RASA3: variants seen among roughly 807,000 people sequenced by gnomAD.
The protein encoded by RASA3 is RAS p21 protein activator 3.
In RASA3, 73 loss-of-function variants were observed where a neutral mutation model predicts 110.0. The ratio of observed to expected loss-of-function variants is 0.66; its 90% CI spans 0.55 to 0.81. RASA3 has a LOEUF of 0.81. Among genes scored for constraint, RASA3 ranks in the 30% least tolerant of loss-of-function variants. RASA3 has a pLI of 0.00. For missense variants in RASA3, 976 were observed against 1,113.2 expected (o/e 0.88, Z 1.75); for synonymous variants, 500 against 451.4 (o/e 1.11, Z -1.37).
intron 23 of RASA3, among the ~76,000 whole-genome samples, chr13:113,980,072 T>TGTGTGTGCACCACCTCCCAC (rs2052880717): frequency 9.6e-6 from 1 of 104,536 alleles, no homozygotes; most frequent in Admixed American, 9.6e-5. Flanking sequence ...CCTCCTCCCA[T>TGTGTGTGCACCACCTCCCAC]GTGTGTGCAC....
chr13:114,101,577 C>A (rs2080060916), intron 1 of RASA3, among the ~76,000 whole-genome samples: 1 of 152,272 alleles, frequency 6.6e-6, no homozygotes, highest in Non-Finnish European at 1.5e-5. Context: ...CGCCGGAGAT[C>A]CGGGCTTTCC....
chr13:114,131,805 C>A (rs1260754890), intron 1 of RASA3, among the ~76,000 whole-genome samples: 3 of 151,672 alleles, frequency 2.0e-5, no homozygotes, highest in African/African-American at 4.8e-5. Flanking sequence ...CAAATACGCA[C>A]CCACACATGC....
In RASA3 at chr13:114,017,495, A is replaced by G; in HGVS notation, c.1092-144T>C. 3 of 694,126 alleles carry G rather than the reference A, an allele frequency of 4.3e-6. No homozygotes were observed. In the South Asian group the frequency reaches 4.9e-5, roughly 11 times the overall value. 43.0% of individuals were successfully genotyped at this position (694,126 alleles called of 1,614,324 possible). ...GGCTTCCTGACATTTTACAAGGAGC[A>G]CAACCAGGCCAGGTGCTTGGAGGCC... On this transcript the variant is annotated intron_variant, in intron 11 of 23. Transcript: ENST00000334062.
intron 3 of RASA3, among the ~76,000 whole-genome samples, chr13:114,043,190 C>G (rs1052954330): frequency 2.6e-5 from 4 of 152,288 alleles, no homozygotes; most frequent in East Asian, 3.9e-4. Flanking sequence ...TATGGGACAG[C>G]GCAAGGTCGG....
At chr13:113,989,220 T>A (rs1403098839) in intron 22 of RASA3, among the ~76,000 whole-genome samples, 1 of 124,520 alleles carries the variant, frequency 8.0e-6, no homozygotes, top group Non-Finnish European at 1.7e-5. Context: ...CATCCACCCA[T>A]CTACCCATCC....
rs1316028159 is a variant in RASA3, at chr13:114,018,232, G to A, written c.963C>T (p.Ala321=). The A allele has an allele frequency of 8.4e-6, 13 of 1,553,442 alleles. No individual in the cohort carries two copies. The South Asian group carries it at 1.5e-4, about 18-fold the overall frequency. Residue 321 remains alanine, a synonymous_variant, in exon 11 of 24, where the codon GCC becomes GCT. Transcript: ENST00000334062. ...ADVEPVSASA[A]HILGEVCREK... is the part of the protein sequence containing the mutation. ...CCCGGCAAACCTCGCCCAGGATGTG[G>A]GCCGCAGACGCTGACACGGGCTGCG...
chr13:114,050,398 C>T (rs2079124697), intron 3 of RASA3, among the ~76,000 whole-genome samples: 1 of 152,258 alleles, frequency 6.6e-6, no homozygotes, highest in Non-Finnish European at 1.5e-5. Flanking sequence ...TGTCAATTAT[C>T]TGAGATCCAT....
At chr13:114,098,279 G>T (rs2079971590) in intron 1 of RASA3, among the ~76,000 whole-genome samples, 1 of 152,170 alleles carries the variant, frequency 6.6e-6, no homozygotes, top group Non-Finnish European at 1.5e-5. Flanking sequence ...CCTCTACCCT[G>T]GGGGCAGAGC....
chr13:114,075,069 C>T (rs1417361543), intron 1 of RASA3, among the ~76,000 whole-genome samples: 1 of 152,214 alleles, frequency 6.6e-6, no homozygotes, highest in Non-Finnish European at 1.5e-5. Flanking sequence ...GTCTCCACGA[C>T]GCAGGATGAG....
intron 2 of RASA3, among the ~76,000 whole-genome samples, chr13:114,059,937 C>T (rs1032874377): frequency 2.6e-5 from 4 of 152,248 alleles, no homozygotes; most frequent in African/African-American, 7.2e-5. Context: ...GAATGTCCAA[C>T]GCGGGCAAGG....
chr13:114,089,104 T>C (rs2139706843), intron 1 of RASA3, among the ~76,000 whole-genome samples: 1 of 152,088 alleles, frequency 6.6e-6, no homozygotes, highest in South Asian at 2.1e-4. Context: ...CAGGGCTCTG[T>C]CCCCTAAGCC....
rs184569069 is a variant in RASA3, at chr13:113,983,979, A to G, written c.2246-2121T>C. On this transcript the variant is annotated intron_variant, in intron 22 of 23. Coordinates refer to ENST00000334062, the MANE Select transcript of RASA3 (RefSeq NM_007368.4). ...TTAAAAAATAAAACTGGCAATAACT[A>G]GAAAAAAAATCGCAATAAGGAATCT... 1.7e-4 allele frequency among the ~76,000 whole-genome samples: 17 copies of G among 101,546 alleles called. 2 individuals carry two copies. Among genetic ancestry groups the G allele is most frequent in the Non-Finnish European group, 3.5e-4 (15 of 43,452 alleles). 66.6% of individuals were successfully genotyped at this position (101,546 alleles called of 152,430 possible).
At chr13:114,002,341 C>T (rs755296267) in intron 18 of RASA3, among the ~76,000 whole-genome samples, 8 of 152,210 alleles carry the variant, frequency 5.3e-5, no homozygotes, top group Non-Finnish European at 1.0e-4. Context: ...AAGGGCGGGG[C>T]GCTGGGAGCC....
In RASA3 at chr13:114,106,093, C is replaced by A. The variant is rs566825744; in HGVS notation, c.55+26342G>T. ...GTGCACATCGCAGAGCGGCACACGG[C>A]AGCCTCCGGATGGGCGCATGGCAGA... On this transcript the variant is annotated intron_variant, in intron 1 of 23. Coordinates refer to ENST00000334062, the MANE Select transcript of RASA3 (RefSeq NM_007368.4). 2.6e-3 allele frequency among the ~76,000 whole-genome samples: 397 copies of A among 152,302 alleles called. 2 individuals are homozygous for A. The highest frequency in any genetic ancestry group is 9.3e-3 in the African/African-American group (385 of 41,566).
At chr13:114,002,913 G>A (rs998065374) in intron 18 of RASA3, among the ~76,000 whole-genome samples, 5 of 152,236 alleles carry the variant, frequency 3.3e-5, no homozygotes, top group Admixed American at 2.0e-4. Context: ...CACACGCTGC[G>A]CTGCAGAGGC....
chr13:113,980,841 A>AG (rs1348311732), intron 23 of RASA3, among the ~76,000 whole-genome samples: 1 of 152,188 alleles, frequency 6.6e-6, no homozygotes, highest in Non-Finnish European at 1.5e-5. Context: ...GGAGGGGTTA[A>AG]GAAGGAAGGA....
intron 1 of RASA3, among the ~76,000 whole-genome samples, chr13:114,082,904 T>C (rs576017326): frequency 6.6e-6 from 1 of 152,322 alleles, no homozygotes; most frequent in Admixed American, 6.5e-5. Flanking sequence ...AGTCCTCTAC[T>C]TCAAACTCAC....
chr13:114,052,870 G>A (rs1397398356), intron 2 of RASA3, among the ~76,000 whole-genome samples: 13 of 140,458 alleles, frequency 9.3e-5, no homozygotes, highest in African/African-American at 3.3e-4. Context: ...CTGGGGGAGA[G>A]ACCCCCGCTG....
At chr13:114,046,723 G>A (rs1240027458) in intron 3 of RASA3, among the ~76,000 whole-genome samples, 1 of 152,156 alleles carries the variant, frequency 6.6e-6, no homozygotes, top group Non-Finnish European at 1.5e-5. Flanking sequence ...CCTGCCTTCA[G>A]AGTCCAGTCC....
Sources: gnomAD v4.1 joint callset for allele counts (sites outside exome capture counted in the v4.1 genomes callset) on GRCh38, gnomAD v4.1.1 for gene constraint, MANE v1.5 for transcripts, NCBI Gene and HGNC (gene_info 2026-07-23, HGNC 2026-07-21) for gene names.